The following FAM135B variants were observed in gnomAD, a reference collection of about 807,000 sequenced individuals.
The protein encoded by FAM135B is protein FAM135B.
In FAM135B, 43 loss-of-function variants were observed where a neutral mutation model predicts 127.7. That is an observed-to-expected ratio of 0.34 (90% confidence interval 0.26 to 0.43). FAM135B has a LOEUF of 0.43. Ranked by LOEUF, FAM135B falls within the 20% of genes least tolerant of loss-of-function variation. The pLI, the probability that FAM135B is intolerant of heterozygous loss-of-function variation, is 1.00. For synonymous variants in FAM135B, 670 were observed against 665.1 expected (o/e 1.01, Z -0.11); for missense variants, 1,558 against 1,725.6 (o/e 0.90, Z 1.72).
intron 1 of FAM135B, among the ~76,000 whole-genome samples, chr8:138,462,984 A>G (rs897060327): frequency 2.0e-5 from 3 of 152,220 alleles, no homozygotes; most frequent in Admixed American, 2.0e-4. Context: ...CATTTTCATA[A>G]TAATTGAAAG....
intron 7 of FAM135B, among the ~76,000 whole-genome samples, chr8:138,224,568 T>G (rs1462150355): frequency 6.6e-6 from 1 of 152,218 alleles, no homozygotes; most frequent in East Asian, 1.9e-4. Flanking sequence ...TCCACATCAT[T>G]GAGTAACAAC....
chr8:138,145,791 C>G (rs1054298619), intron 15 of FAM135B, among the ~76,000 whole-genome samples, 168 bp downstream of exon 15: 1 of 152,154 alleles, frequency 6.6e-6, no homozygotes, highest in Non-Finnish European at 1.5e-5. Flanking sequence ...CTCTCCCTCC[C>G]GAAATAAAAC....
At chr8:138,320,290 C>G (rs963449998) in intron 2 of FAM135B, among the ~76,000 whole-genome samples, 1 of 152,180 alleles carries the variant, frequency 6.6e-6, no homozygotes, top group African/African-American at 2.4e-5. Flanking sequence ...TAACAACACA[C>G]AAATTGTGAC....
chr8:138,332,135 C>T (rs565127250), intron 2 of FAM135B, among the ~76,000 whole-genome samples: 37 of 152,238 alleles, frequency 2.4e-4, no homozygotes, highest in Non-Finnish European at 1.6e-4. Flanking sequence ...TAGTACATCC[C>T]CTGGAGACCA....
chr8:138,146,214 C>T (rs1335022771), intron 14 of FAM135B, among the ~76,000 whole-genome samples, 164 bp from the exon 15 acceptor site: 1 of 152,164 alleles, frequency 6.6e-6, no homozygotes, highest in Non-Finnish European at 1.5e-5. Context: ...GAAACCCCGG[C>T]TCTCCTGTTA....
chr8:138,370,372 C>A (rs1372918366), intron 1 of FAM135B, among the ~76,000 whole-genome samples: 3 of 152,030 alleles, frequency 2.0e-5, no homozygotes, highest in African/African-American at 4.8e-5. Context: ...TTTAAAATAG[C>A]ATGTTAGGCA....
chr8:138,477,408 G>C (rs1029092023), intron 1 of FAM135B: 4 of 152,084 alleles, frequency 2.6e-5, no homozygotes, highest in Non-Finnish European at 4.4e-5. Flanking sequence ...ACCCTACACT[G>C]GGTGAAGAGC....
chr8:138,307,246 A>G (rs1826329700), intron 3 of FAM135B, among the ~76,000 whole-genome samples: 1 of 152,220 alleles, frequency 6.6e-6, no homozygotes, highest in African/African-American at 2.4e-5. Context: ...GAGTTCTCCT[A>G]TACAAACTCT....
At chr8:138,161,645 G>T (rs1819402385) in intron 12 of FAM135B, among the ~76,000 whole-genome samples, 1 of 152,278 alleles carries the variant, frequency 6.6e-6, no homozygotes, top group East Asian at 1.9e-4. Context: ...GAAGCATTAA[G>T]ACATGATGCC....
intron 19 of FAM135B, among the ~76,000 whole-genome samples, chr8:138,135,916 T>A (rs1473848011): frequency 6.6e-6 from 1 of 152,100 alleles, no homozygotes; most frequent in African/African-American, 2.4e-5. Context: ...CACAAAATTA[T>A]AACATTTATC....
At chr8:138,382,794 CAG>C in intron 1 of FAM135B, among the ~76,000 whole-genome samples, 1 of 152,264 alleles carries the variant, frequency 6.6e-6, no homozygotes, top group African/African-American at 2.4e-5. Context: ...CGCTTTCATG[CAG>C]AGTTAGAAAT....
intron 1 of FAM135B, among the ~76,000 whole-genome samples, chr8:138,434,983 G>GT (rs1835381085): frequency 6.6e-6 from 1 of 152,156 alleles, no homozygotes; most frequent in African/African-American, 2.4e-5. Flanking sequence ...ATCAGACAAT[G>GT]TACATATTTT....
At chr8:138,390,783 T>C (rs888013650) in intron 1 of FAM135B, among the ~76,000 whole-genome samples, 1 of 152,192 alleles carries the variant, frequency 6.6e-6, no homozygotes, top group Non-Finnish European at 1.5e-5. Flanking sequence ...CGGTCAGCTC[T>C]AGACAGGCCT....
At chr8:138,287,132 A>G (rs1355446420) in intron 3 of FAM135B, among the ~76,000 whole-genome samples, 2 of 152,234 alleles carry the variant, frequency 1.3e-5, no homozygotes, top group South Asian at 2.1e-4. Context: ...CTACGGGAAG[A>G]CATTTTCTAC....
intron 7 of FAM135B, among the ~76,000 whole-genome samples, chr8:138,231,088 G>T (rs1437756499): frequency 6.6e-6 from 1 of 151,892 alleles, no homozygotes; most frequent in Non-Finnish European, 1.5e-5. Flanking sequence ...GGAGTGTAGT[G>T]GTGCAATCTC....
At chr8:138,482,893 A>T (rs1814840323) in intron 1 of FAM135B, among the ~76,000 whole-genome samples, 2 of 152,122 alleles carry the variant, frequency 1.3e-5, no homozygotes, top group Non-Finnish European at 2.9e-5. Flanking sequence ...AAATGTTGTT[A>T]AACTATTTTA....
intron 7 of FAM135B, among the ~76,000 whole-genome samples, chr8:138,226,184 T>TGTGTGTGTGTGTGTGCGCGCGCGCGCAC: frequency 7.2e-6 from 1 of 139,202 alleles, no homozygotes; most frequent in Non-Finnish European, 1.5e-5. Context: ...TGTGTGTGTG[T>TGTGTGTGTGTGTGTGCGCGCGCGCGCAC]GCGCGCATGT....
In FAM135B at chr8:138,141,016, T is replaced by TAC. The variant is rs1321105782; in HGVS notation, c.3790+181_3790+182insGT. ...AAATGATCCTGGAAAACATCTAGTGTCACCTCACTCAGCCCCCAGACACAA... is the reference window on the plus strand; with the variant it reads ...AAATGATCCTGGAAAACATCTAGTGTACCACCTCACTCAGCCCCCAGACACAA... On this transcript the variant is annotated intron_variant, in intron 17 of 19. Transcript: ENST00000395297. This position sits in a 1 kb window ranked among gnomAD's most constrained non-coding sequence, Gnocchi z 4.7. Among the ~76,000 whole-genome samples the TAC allele has an allele frequency of 6.6e-6, 1 of 152,012 alleles. No individual in the cohort carries two copies. Among genetic ancestry groups the TAC allele is most frequent in the Non-Finnish European group, 1.5e-5 (1 of 68,008 alleles).
intron 1 of FAM135B, among the ~76,000 whole-genome samples, chr8:138,482,225 A>C (rs986773804): frequency 6.6e-6 from 1 of 152,230 alleles, no homozygotes; most frequent in Non-Finnish European, 1.5e-5. Flanking sequence ...GGAAACAACA[A>C]GGTCCATAGG....
Sources: gnomAD v4.1 joint callset for allele counts (sites outside exome capture counted in the v4.1 genomes callset) on GRCh38, gnomAD v4.1.1 for gene constraint, Gnocchi (gnomAD v3.1) non-coding constraint, MANE v1.5 for transcripts, NCBI Gene and HGNC (gene_info 2026-07-23, HGNC 2026-07-21) for gene names.